The following TEX11 variants were observed in gnomAD, a reference collection of about 807,000 sequenced individuals.
TEX11 encodes testis expressed 11.
In TEX11, 7 loss-of-function variants were observed where a neutral mutation model predicts 84.4. The observed-to-expected ratio is 0.08, with a 90% CI of 0.05 to 0.16. The LOEUF is 0.16. TEX11 is among the 10% of genes least tolerant of loss of function. TEX11 has a pLI of 1.00. For synonymous variants in TEX11, 264 were observed against 222.8 expected (o/e 1.18, Z -1.64); for missense variants, 551 against 660.5 (o/e 0.83, Z 1.82).
At position 70,640,175 on chromosome X, in the gene TEX11, G is replaced by T. The variant is rs928197501; in HGVS notation, c.1484-10440C>A. Among the ~76,000 whole-genome samples the T allele has an allele frequency of 6.7e-4, 74 of 109,882 alleles. 1 individual carries two copies. The highest frequency in any genetic ancestry group is 2.3e-3 in the African/African-American group (70 of 30,332). The stretch of plus-strand genomic sequence containing the variant: ...ACTGGAAGAAAGGGTATCAGCAATG[G>T]AAGATGAAATGAATGAAATGAAGCG... On this transcript the variant is annotated intron_variant, in intron 17 of 29. Transcript: ENST00000374333.
chrX:70,644,960 A>T (rs993967248), intron 17 of TEX11, among the ~76,000 whole-genome samples: 22 of 110,565 alleles, frequency 2.0e-4, no homozygotes, highest in Non-Finnish European at 3.4e-4. Flanking sequence ...ATAAAAAAAG[A>T]AAGAGAAGAC....
At chrX:70,824,230 C>T (rs1447262011) in intron 8 of TEX11, among the ~76,000 whole-genome samples, 1 of 111,479 alleles carries the variant, frequency 9.0e-6, no homozygotes, top group East Asian at 2.8e-4. Context: ...GTAAGTTTAC[C>T]ATTCTTTTCC....
At chrX:70,892,873 T>G (rs1400701235) in intron 2 of TEX11, among the ~76,000 whole-genome samples, 2 of 107,687 alleles carry the variant, frequency 1.9e-5, no homozygotes, top group African/African-American at 6.9e-5. Flanking sequence ...ACCAAGCAAA[T>G]GGAAAGCAAA....
intron 11 of TEX11, among the ~76,000 whole-genome samples, chrX:70,730,385 A>G (rs1231710836): frequency 1.8e-5 from 2 of 111,854 alleles, no homozygotes; most frequent in Non-Finnish European, 3.8e-5. Context: ...AAGACCCATC[A>G]GTGTGCTGTA....
At chrX:70,661,119 T>G (rs1050923262) in intron 16 of TEX11, among the ~76,000 whole-genome samples, 4 of 111,647 alleles carry the variant, frequency 3.6e-5, no homozygotes, top group African/African-American at 1.3e-4. Flanking sequence ...GGAATTCCCT[T>G]TCCTAGCCAA....
intron 14 of TEX11, among the ~76,000 whole-genome samples, chrX:70,679,204 G>C (rs1863280960): frequency 8.9e-6 from 1 of 112,828 alleles, no homozygotes; most frequent in African/African-American, 3.2e-5. Flanking sequence ...GCATCCTGAG[G>C]TGCCGGGATT....
intron 7 of TEX11, among the ~76,000 whole-genome samples, chrX:70,840,688 T>C (rs1398600572): frequency 1.9e-3 from 215 of 111,152 alleles, no homozygotes; most frequent in African/African-American, 6.0e-3. Context: ...GACTGGCAAA[T>C]TGGATAAAGA....
At position 70,838,805 on chromosome X, in the gene TEX11, C is replaced by A. The variant is rs1041443289; in HGVS notation, c.526-5212G>T. Among the ~76,000 whole-genome samples the A allele has an allele frequency of 2.5e-4, 28 of 112,283 alleles. 1 individual carries two copies. The highest frequency in any genetic ancestry group is 7.4e-4 in the African/African-American group (23 of 30,920). ...CCACCCTAATACTGCGCTTTTCCAACGGGCTTAAAAAATGGCACACCAGGA... is the reference window on the plus strand; with the variant it reads ...CCACCCTAATACTGCGCTTTTCCAAAGGGCTTAAAAAATGGCACACCAGGA... On this transcript the variant is annotated intron_variant, in intron 7 of 29. Coordinates refer to ENST00000374333, the MANE Select transcript of TEX11 (RefSeq NM_031276.3).
intron 5 of TEX11, among the ~76,000 whole-genome samples, chrX:70,856,917 G>A (rs2147855338): frequency 9.0e-6 from 1 of 111,203 alleles, no homozygotes; most frequent in African/African-American, 3.3e-5. Flanking sequence ...AAAATACAAA[G>A]TATGGATTAT....
At chrX:70,616,494 A>G (rs2089319207) in intron 20 of TEX11, among the ~76,000 whole-genome samples, 1 of 111,860 alleles carries the variant, frequency 8.9e-6, no homozygotes, top group African/African-American at 3.2e-5. Context: ...CCAGAGAAAA[A>G]TCACCTTCAC....
In TEX11 at chrX:70,754,747, GAGAGAGAA is replaced by G. The variant is rs374517446; in HGVS notation, c.693-10536_693-10529del. 4.9e-3 allele frequency among the ~76,000 whole-genome samples: 540 copies of G among 110,667 alleles called. 3 individuals carry two copies. Among genetic ancestry groups the G allele is most frequent in the African/African-American group, 9.4e-3 (287 of 30,516 alleles). ...TTTCAGGTAGCTCAGGAGAGAGAGA[GAGAGAGAA>G]AGAGAGAAAGAGAGAAAGAGAGAGA... On this transcript the variant is annotated intron_variant, in intron 9 of 29. Transcript: ENST00000374333.
intron 13 of TEX11, among the ~76,000 whole-genome samples, chrX:70,721,575 T>C (rs775758462): frequency 8.9e-6 from 1 of 112,033 alleles, no homozygotes; most frequent in Non-Finnish European, 1.9e-5. Context: ...TGGAGATTAA[T>C]CTATGCTGCC....
intron 9 of TEX11, among the ~76,000 whole-genome samples, chrX:70,778,756 T>C (rs1463971571): frequency 9.0e-6 from 1 of 111,461 alleles, no homozygotes; most frequent in Non-Finnish European, 1.9e-5. Flanking sequence ...TTTAAAATTT[T>C]GAAATTTAAA....
chrX:70,708,056 A>G (rs905851084), intron 13 of TEX11, among the ~76,000 whole-genome samples: 1 of 111,313 alleles, frequency 9.0e-6, no homozygotes, highest in African/African-American at 3.3e-5. Context: ...CTTTAAAAAA[A>G]TCAACAAGCT....
At chrX:70,838,769 T>A (rs1041891570) in intron 7 of TEX11, among the ~76,000 whole-genome samples, 3 of 111,792 alleles carry the variant, frequency 2.7e-5, no homozygotes, top group African/African-American at 9.7e-5. Context: ...ACCTGGAAAA[T>A]CGGGTCACTC....
At chrX:70,595,593 A>G (rs1387518418) in intron 24 of TEX11, among the ~76,000 whole-genome samples, 1 of 111,517 alleles carries the variant, frequency 9.0e-6, no homozygotes, top group Non-Finnish European at 1.9e-5. Flanking sequence ...TAAGATCTAT[A>G]TTGTAAGCCC....
intron 18 of TEX11, among the ~76,000 whole-genome samples, chrX:70,628,995 C>T (rs976476436): frequency 8.9e-6 from 1 of 111,867 alleles, no homozygotes; most frequent in Non-Finnish European, 1.9e-5. Flanking sequence ...CCATCTTAAT[C>T]GATTTTCATA....
At chrX:70,849,017 T>C (rs1356579736) in intron 7 of TEX11, among the ~76,000 whole-genome samples, 1 of 111,990 alleles carries the variant, frequency 8.9e-6, no homozygotes, top group Non-Finnish European at 1.9e-5. Flanking sequence ...ATTTTTACAA[T>C]TCTAAAAGAT....
chrX:70,734,933 C>T (rs780598057), intron 11 of TEX11, among the ~76,000 whole-genome samples: 3 of 112,179 alleles, frequency 2.7e-5, no homozygotes, highest in African/African-American at 9.7e-5. Flanking sequence ...AGATACTGCT[C>T]TTGCCAATTC....
Sources: allele counts gnomAD v4.1 joint callset (sites outside exome capture counted in the v4.1 genomes callset), GRCh38; gene constraint gnomAD v4.1.1; transcripts MANE v1.5; gene names NCBI Gene and HGNC (gene_info 2026-07-23, HGNC 2026-07-21).